The following DTNA variants were observed in gnomAD, a reference collection of about 807,000 sequenced individuals.
DTNA encodes the protein dystrobrevin alpha, also known as dystrophin-related protein 3.
In DTNA, 43 loss-of-function variants were observed where a neutral mutation model predicts 100.7. The ratio of observed to expected loss-of-function variants is 0.43; its 90% CI spans 0.33 to 0.55. The LOEUF is 0.55. Ranked by LOEUF, DTNA falls within the 20% of genes least tolerant of loss-of-function variation. The pLI is 0.04. For synonymous variants in DTNA, 349 were observed against 347.9 expected (o/e 1.00, Z -0.04); for missense variants, 798 against 953.9 (o/e 0.84, Z 2.15).
rs188436001 is a variant in DTNA at position 34,772,065 on chromosome 18, T to A, written c.148+6024T>A. 4.9e-4 allele frequency among the ~76,000 whole-genome samples: 74 copies of A among 152,262 alleles called. 4 individuals carry two copies. The highest frequency in any genetic ancestry group is 4.7e-3 in the Admixed American group (72 of 15,288). ...ATCAGAAATATCTAATCCCTCCTGT[T>A]TAATAGTAGGAACAAAATTAAGAAG... On this transcript the variant is annotated intron_variant, in intron 3 of 22. Coordinates refer to ENST00000444659, the MANE Select transcript of DTNA (RefSeq NM_001386795.1).
chr18:34,610,236 C>T (rs2053963658), intron 1 of DTNA, among the ~76,000 whole-genome samples: 1 of 152,124 alleles, frequency 6.6e-6, no homozygotes. Flanking sequence ...CTTCTATAGG[C>T]TAAGGAAGAT....
intron 1 of DTNA, among the ~76,000 whole-genome samples, chr18:34,514,149 A>G (rs1465947268): frequency 6.6e-6 from 1 of 152,152 alleles, no homozygotes; most frequent in Non-Finnish European, 1.5e-5. Context: ...ATCAATTTCC[A>G]TCTTTAAGGA....
At chr18:34,808,435 G>C (rs2095416459) in intron 5 of DTNA, among the ~76,000 whole-genome samples, 1 of 152,138 alleles carries the variant, frequency 6.6e-6, no homozygotes, top group Non-Finnish European at 1.5e-5. Context: ...ACTAATTACT[G>C]GTTAGAGAAA....
chr18:34,868,154 CAAAA>C (rs34776092), intron 17 of DTNA: 586 of 178,266 alleles, frequency 3.3e-3, no homozygotes, highest in Non-Finnish European at 4.3e-3. Flanking sequence ...GGCAATGAAG[CAAAA>C]AAAAAAAAAA....
Position 34,710,658 on chromosome 18 carries a change from C to T in DTNA, c.-2+213C>T, listed in dbSNP as rs114648754. ...GTTGTGAAATGTTATAGTTTTATGG[C>T]AGTGTGTGTGTGTGGGAGTGTGTGT... On this transcript the variant is annotated intron_variant, in intron 1 of 22. Transcript: ENST00000444659. 7.3e-3 allele frequency among the ~76,000 whole-genome samples: 1,073 copies of T among 147,172 alleles called. 13 individuals carry two copies. The highest frequency in any genetic ancestry group is 0.027 in the African/African-American group (1,034 of 37,954).
chr18:34,876,794 T>C (rs1411754560), intron 18 of DTNA, among the ~76,000 whole-genome samples: 1 of 152,176 alleles, frequency 6.6e-6, no homozygotes, highest in Non-Finnish European at 1.5e-5. Context: ...CTCAAGAGTT[T>C]TTAAAAATGT....
At chr18:34,742,657 A>ATCTATTATCTATCTAT (rs1555752637) in intron 1 of DTNA, among the ~76,000 whole-genome samples, 1 of 152,028 alleles carries the variant, frequency 6.6e-6, no homozygotes, top group Non-Finnish European at 1.5e-5. Flanking sequence ...TAGATAGATA[A>ATCTATTATCTATCTAT]TCTATTATCT....
chr18:34,705,241 T>C (rs2146299430), intron 1 of DTNA, among the ~76,000 whole-genome samples: 1 of 152,296 alleles, frequency 6.6e-6, no homozygotes, highest in Non-Finnish European at 1.5e-5. Flanking sequence ...ATCAATTCTG[T>C]CTTGCCACCA....
At chr18:34,621,754 TA>T (rs1233020189) in intron 1 of DTNA, among the ~76,000 whole-genome samples, 1 of 152,178 alleles carries the variant, frequency 6.6e-6, no homozygotes, top group Non-Finnish European at 1.5e-5. Flanking sequence ...TTGTACAACA[TA>T]GTGACTATAG....
intron 1 of DTNA, among the ~76,000 whole-genome samples, chr18:34,556,545 A>G (rs932192041): frequency 2.9e-4 from 44 of 151,610 alleles, no homozygotes; most frequent in African/African-American, 1.1e-3. Flanking sequence ...TTCCTTCAGG[A>G]GCGCTTTTAG....
chr18:34,534,406 A>C (rs1286984216), intron 1 of DTNA, among the ~76,000 whole-genome samples: 1 of 152,100 alleles, frequency 6.6e-6, no homozygotes, highest in Non-Finnish European at 1.5e-5. Context: ...GTCTGAGAGC[A>C]TGAAAAGTCA....
chr18:34,512,351 G>T (rs947012095), intron 1 of DTNA, among the ~76,000 whole-genome samples: 1 of 151,926 alleles, frequency 6.6e-6, no homozygotes. Flanking sequence ...AGAACAGCAG[G>T]TACACACTAG....
chr18:34,535,902 A>T (rs1323678563), intron 1 of DTNA, among the ~76,000 whole-genome samples: 1 of 152,046 alleles, frequency 6.6e-6, no homozygotes, highest in African/African-American at 2.4e-5. Flanking sequence ...ATAAAGATTT[A>T]AAATACAGAA....
intron 1 of DTNA, among the ~76,000 whole-genome samples, chr18:34,698,733 T>C (rs529405161): frequency 1.2e-4 from 18 of 152,260 alleles, no homozygotes; most frequent in Non-Finnish European, 2.6e-4. Flanking sequence ...GCATCTAGCA[T>C]GGGAGAAAGA....
chr18:34,529,867 GA>G (rs2042979596), intron 1 of DTNA, among the ~76,000 whole-genome samples: 1 of 152,088 alleles, frequency 6.6e-6, no homozygotes, highest in Non-Finnish European at 1.5e-5. Context: ...TAGAAAAATG[GA>G]ATGTGAGAAT....
At chr18:34,840,212 CTT>C (rs1202190441) in intron 13 of DTNA, among the ~76,000 whole-genome samples, 2 of 152,126 alleles carry the variant, frequency 1.3e-5, no homozygotes, top group African/African-American at 4.8e-5. Flanking sequence ...AAAATGCACT[CTT>C]TGGCTGACGT....
intron 1 of DTNA, among the ~76,000 whole-genome samples, chr18:34,536,136 C>A (rs1052118095): frequency 6.6e-6 from 1 of 151,762 alleles, no homozygotes; most frequent in African/African-American, 2.4e-5. Context: ...TTATAAGGAC[C>A]TTTCTCATTT....
intron 1 of DTNA, among the ~76,000 whole-genome samples, chr18:34,565,302 A>G (rs1223044725): frequency 6.6e-6 from 1 of 152,208 alleles, no homozygotes; most frequent in African/African-American, 2.4e-5. Flanking sequence ...GAAGAAATTC[A>G]GAGTCTTGCT....
intron 1 of DTNA, among the ~76,000 whole-genome samples, chr18:34,518,783 C>T (rs568253091): frequency 2.7e-5 from 4 of 146,340 alleles, no homozygotes; most frequent in African/African-American, 5.1e-5. Flanking sequence ...GTAGTAAAGA[C>T]GGGAACATTA....
Sources: allele counts gnomAD v4.1 joint callset (sites outside exome capture counted in the v4.1 genomes callset), GRCh38; gene constraint gnomAD v4.1.1; transcripts MANE v1.5; gene names NCBI Gene and HGNC (gene_info 2026-07-23, HGNC 2026-07-21).